The following FARS2 variants were observed in gnomAD, a reference collection of about 807,000 sequenced individuals.
FARS2 encodes the protein phenylalanyl-tRNA synthetase 2, mitochondrial.
In FARS2, 40 loss-of-function variants were observed where a neutral mutation model predicts 46.4. The observed-to-expected ratio is 0.86, with a 90% CI of 0.67 to 1.12. FARS2 has a LOEUF of 1.12. Among genes scored for constraint, FARS2 ranks in the 50% most tolerant of loss-of-function variants. FARS2 has a pLI of 0.00. For missense variants in FARS2, 513 were observed against 567.9 expected (o/e 0.90, Z 0.98); for synonymous variants, 234 against 214.9 (o/e 1.09, Z -0.78).
intron 1 of FARS2, among the ~76,000 whole-genome samples, chr6:5,339,185 C>T (rs1771379190): frequency 6.6e-6 from 1 of 152,224 alleles, no homozygotes; most frequent in South Asian, 2.1e-4. Flanking sequence ...ATTTTATGTC[C>T]TCTAATGAAA....
chr6:5,408,171 C>T (rs924214329), intron 3 of FARS2, among the ~76,000 whole-genome samples: 8 of 152,288 alleles, frequency 5.3e-5, no homozygotes, highest in African/African-American at 1.9e-4. Context: ...AGCCATGGAG[C>T]CTTGGATCTT....
chr6:5,614,491 G>T (rs1775362631), intron 6 of FARS2, among the ~76,000 whole-genome samples: 1 of 150,534 alleles, frequency 6.6e-6, no homozygotes, highest in Non-Finnish European at 1.5e-5. Flanking sequence ...CTCACTGCAA[G>T]CTCCGCCTCC....
chr6:5,533,062 T>G (rs1343091621), intron 4 of FARS2, among the ~76,000 whole-genome samples: 2 of 152,000 alleles, frequency 1.3e-5, no homozygotes, highest in Non-Finnish European at 2.9e-5. Context: ...GCTCAGTCAT[T>G]GGGGAGGAAA....
At chr6:5,720,236 A>G (rs1286861509) in intron 6 of FARS2, among the ~76,000 whole-genome samples, 3 of 152,224 alleles carry the variant, frequency 2.0e-5, no homozygotes, top group Admixed American at 6.5e-5. Flanking sequence ...AAATAGTTGG[A>G]GACATTTATA....
intron 1 of FARS2, among the ~76,000 whole-genome samples, chr6:5,345,777 C>T (rs1757189417): frequency 6.6e-6 from 1 of 152,202 alleles, no homozygotes; most frequent in African/African-American, 2.4e-5. Flanking sequence ...ATTATCTCCA[C>T]AGCTCCTGTT....
chr6:5,655,505 G>T (rs1218832765), intron 6 of FARS2, among the ~76,000 whole-genome samples: 4 of 152,182 alleles, frequency 2.6e-5, no homozygotes, highest in Non-Finnish European at 4.4e-5. Flanking sequence ...TGTTGGCAGG[G>T]CTGGCACCTT....
intron 6 of FARS2, among the ~76,000 whole-genome samples, chr6:5,617,523 C>G (rs910386236): frequency 1.3e-5 from 2 of 152,180 alleles, no homozygotes; most frequent in African/African-American, 4.8e-5. Context: ...ATAACAAAAA[C>G]CTGGTTTTTT....
chr6:5,267,990 A>G (rs1281754599), intron 1 of FARS2, among the ~76,000 whole-genome samples: 2 of 151,974 alleles, frequency 1.3e-5, no homozygotes, highest in Non-Finnish European at 2.9e-5. Context: ...TTTTGGCTGC[A>G]TAAATGTCTT....
chr6:5,661,823 T>C (rs1777864389), intron 6 of FARS2, among the ~76,000 whole-genome samples: 1 of 146,300 alleles, frequency 6.8e-6, no homozygotes, highest in South Asian at 2.1e-4. Flanking sequence ...TTGTGTGCAG[T>C]AAGAGAAGTT....
intron 1 of FARS2, among the ~76,000 whole-genome samples, chr6:5,314,583 G>T (rs1182234518): frequency 6.6e-6 from 1 of 152,204 alleles, no homozygotes; most frequent in Admixed American, 6.5e-5. Context: ...CTTCCAGGCA[G>T]AGGTGATGTC....
rs114058218 is a variant in FARS2 at position 5,592,110 on chromosome 6, C to T, written c.1066-21059C>T. 9.6e-3 allele frequency among the ~76,000 whole-genome samples: 1,465 copies of T among 152,210 alleles called. 7 individuals are homozygous for T. The highest frequency in any genetic ancestry group is 0.02 in the Middle Eastern group (6 of 294). On this transcript the variant is annotated intron_variant, in intron 5 of 6. Transcript: ENST00000274680. ...TTAAAATATGCCATATTTGGCTGAG[C>T]GCGGTGGCTCACGCCTGTAATCCCA... is the stretch of plus-strand genomic sequence containing the variant.
rs150877164 is a variant in FARS2, at chr6:5,659,509, G to A, written c.1217+46189G>A. 5.3e-5 allele frequency among the ~76,000 whole-genome samples: 8 copies of A among 152,314 alleles called. No individual in the cohort carries two copies. In the East Asian group the frequency reaches 1.4e-3, roughly 26 times the overall value. On this transcript the variant is annotated intron_variant, in intron 6 of 6. Transcript: ENST00000274680. ...ATTGCTTGCTCCCCTGTACTGGTAT[G>A]CCTTTGGTATATACTGTTTCAGCTT...
At chr6:5,767,335 C>T (rs780722257) in intron 6 of FARS2, among the ~76,000 whole-genome samples, 2 of 152,198 alleles carry the variant, frequency 1.3e-5, no homozygotes, top group Non-Finnish European at 2.9e-5. Context: ...GGATTACAGG[C>T]ATGAGCCACC....
chr6:5,729,396 G>T (rs1159640402), intron 6 of FARS2, among the ~76,000 whole-genome samples: 1 of 152,170 alleles, frequency 6.6e-6, no homozygotes, highest in Non-Finnish European at 1.5e-5. Context: ...CTGGAATGGG[G>T]GCGTGGACGT....
At chr6:5,331,961 A>G (rs1770828147) in intron 1 of FARS2, among the ~76,000 whole-genome samples, 1 of 152,178 alleles carries the variant, frequency 6.6e-6, no homozygotes. Context: ...GAGCCCTAAT[A>G]TGCCATGGCA....
At chr6:5,512,139 C>A (rs1016786984) in intron 4 of FARS2, among the ~76,000 whole-genome samples, 2 of 152,230 alleles carry the variant, frequency 1.3e-5, no homozygotes, top group African/African-American at 4.8e-5. Context: ...CTTTTAGTTC[C>A]AAGAGTCAGA....
intron 6 of FARS2, among the ~76,000 whole-genome samples, chr6:5,741,626 G>A (rs181280712): frequency 5.9e-5 from 9 of 152,226 alleles, no homozygotes; most frequent in Non-Finnish European, 1.3e-4. Context: ...GCCTGGCTGC[G>A]CTGAAGGACT....
intron 4 of FARS2, among the ~76,000 whole-genome samples, chr6:5,505,709 T>A (rs148379684): frequency 5.9e-5 from 9 of 152,144 alleles, no homozygotes; most frequent in Non-Finnish European, 1.0e-4. Context: ...CCTGAGAGCA[T>A]TGAACAATCA....
At chr6:5,479,843 A>G (rs1766342203) in intron 4 of FARS2, among the ~76,000 whole-genome samples, 1 of 152,224 alleles carries the variant, frequency 6.6e-6, no homozygotes, top group Non-Finnish European at 1.5e-5. Flanking sequence ...CCACACCTGA[A>G]TATACCAGTC....
Sources: allele counts gnomAD v4.1 joint callset (sites outside exome capture counted in the v4.1 genomes callset), GRCh38; gene constraint gnomAD v4.1.1; transcripts MANE v1.5; gene names NCBI Gene and HGNC (gene_info 2026-07-23, HGNC 2026-07-21).